The following MIS18A variants were observed in gnomAD, a reference collection of about 807,000 sequenced individuals.
MIS18A encodes the protein MIS18 kinetochore protein A, also known as protein Mis18-alpha.
In MIS18A, 14 loss-of-function variants were observed where a neutral mutation model predicts 25.0. The observed-to-expected ratio is 0.56, with a 90% CI of 0.37 to 0.88. The LOEUF is 0.88. Among genes scored for constraint, MIS18A ranks in the 40% least tolerant of loss-of-function variants. The pLI is 0.00. For missense variants in MIS18A, 292 were observed against 290.8 expected, an observed-to-expected ratio of 1.00 and a Z score of -0.03; for synonymous variants, 134 against 118.6, an observed-to-expected ratio of 1.13 and a Z score of -0.84.
chr21:32,197,765 G>A, the MIS18A span: 1 of 152,122 alleles, frequency 6.6e-6, no homozygotes, highest in Non-Finnish European at 1.5e-5. Context: ...AAAGATAAAA[G>A]AATCCACACC....
chr21:32,166,506 T>C, the MIS18A span, among the ~76,000 whole-genome samples: 3 of 152,040 alleles, frequency 2.0e-5, no homozygotes, highest in Non-Finnish European at 4.4e-5. Flanking sequence ...AACAGAAGGA[T>C]GGAGGCAGGT....
At chr21:32,177,766 A>C in the MIS18A span, among the ~76,000 whole-genome samples, 4 of 152,148 alleles carry the variant, frequency 2.6e-5, no homozygotes, top group Admixed American at 2.6e-4. Context: ...CTAATATTAT[A>C]TTATTAATTA....
chr21:32,260,028 C>T, the MIS18A span: 3 of 147,358 alleles, frequency 2.0e-5, no homozygotes, highest in Non-Finnish European at 4.4e-5. Flanking sequence ...TCTTATATGT[C>T]AATTCTGAAA....
chr21:32,160,448 G>A, the MIS18A span, among the ~76,000 whole-genome samples: 2 of 151,952 alleles, frequency 1.3e-5, no homozygotes, highest in Admixed American at 6.6e-5. Flanking sequence ...GAGGATGGGC[G>A]CTTGTGACAC....
chr21:32,223,162 C>T, the MIS18A span, among the ~76,000 whole-genome samples: 1 of 152,004 alleles, frequency 6.6e-6, no homozygotes, highest in Admixed American at 6.6e-5. Context: ...TAAATGCCCA[C>T]ATGAGAACAT....
chr21:32,212,298 G>A, the MIS18A span, among the ~76,000 whole-genome samples: 2 of 152,170 alleles, frequency 1.3e-5, no homozygotes, highest in Non-Finnish European at 2.9e-5. Context: ...TCCTGAAAAC[G>A]CAGTCATGCC....
At chr21:32,271,737 C>A (rs2031717761) in intron 2 of MIS18A, among the ~76,000 whole-genome samples, 2 of 152,086 alleles carry the variant, frequency 1.3e-5, no homozygotes, top group African/African-American at 4.8e-5. Flanking sequence ...GTCACCATAC[C>A]CAGCCAGCTT....
chr21:32,155,988 T>C, the MIS18A span, among the ~76,000 whole-genome samples: 1 of 152,158 alleles, frequency 6.6e-6, no homozygotes, highest in Admixed American at 6.5e-5. Context: ...TGCAGACAAC[T>C]ATATTGCCAT....
the MIS18A span, among the ~76,000 whole-genome samples, chr21:32,180,703 G>C: frequency 6.6e-6 from 1 of 152,130 alleles, no homozygotes; most frequent in African/African-American, 2.4e-5. Context: ...GTGGAATCCT[G>C]GTCCTCCATA....
downstream of MIS18A, among the ~76,000 whole-genome samples, chr21:32,267,107 T>C (rs953060322): frequency 5.3e-5 from 8 of 152,150 alleles, no homozygotes; most frequent in Non-Finnish European, 7.4e-5. Context: ...CCTGCCAGTG[T>C]CACCATGCAG....
chr21:32,269,002 A>C lies in MIS18A; in HGVS notation c.*35T>G. On this transcript the variant is annotated 3_prime_UTR_variant, in exon 5 of 5. Coordinates refer to ENST00000290130, the MANE Select transcript of MIS18A (RefSeq NM_018944.3). ...CTTCATTTAACAAATAAGGGGAGGA[A>C]GGGCGGGGGCAGAATGGAGGACACA... 7.0e-7 allele frequency: 1 copy of C among 1,420,928 alleles called. No individual in the cohort carries two copies. Among genetic ancestry groups the C allele is most frequent in the Non-Finnish European group, 9.7e-7 (1 of 1,033,420 alleles). 88.0% of individuals were successfully genotyped at this position (1,420,928 alleles called of 1,614,324 possible).
the MIS18A span, among the ~76,000 whole-genome samples, chr21:32,220,935 A>G: frequency 1.4e-4 from 21 of 152,192 alleles, no homozygotes; most frequent in East Asian, 3.1e-3. Flanking sequence ...TAGAGAAAAA[A>G]TAATGAAAAG....
chr21:32,209,445 C>G, the MIS18A span, among the ~76,000 whole-genome samples: 1 of 152,182 alleles, frequency 6.6e-6, no homozygotes, highest in East Asian at 1.9e-4. Flanking sequence ...TTCCACAAGC[C>G]CAAATTATTA....
the MIS18A span, among the ~76,000 whole-genome samples, chr21:32,225,969 T>G: frequency 2.0e-5 from 1 of 50,162 alleles, no homozygotes. Flanking sequence ...GATGAGTTCA[T>G]GTCCTTTGTA....
the MIS18A span, among the ~76,000 whole-genome samples, chr21:32,194,261 T>C: frequency 0.6 from 91,099 of 151,996 alleles, 29,200 homozygotes; most frequent in African/African-American, 0.84. Flanking sequence ...CTATTCCCAA[T>C]GGCAAAGTCA....
intron 2 of MIS18A, among the ~76,000 whole-genome samples, chr21:32,274,200 T>C (rs981432446): frequency 1.2e-4 from 15 of 120,226 alleles, no homozygotes; most frequent in Middle Eastern, 4.1e-3. Flanking sequence ...TTTTCTTCTT[T>C]TTTTTTTTTT....
the MIS18A span, among the ~76,000 whole-genome samples, chr21:32,180,852 A>G: frequency 4.7e-3 from 714 of 152,312 alleles, 8 homozygotes; most frequent in African/African-American, 0.016. Context: ...TCTTCTGAAC[A>G]TTGGATCTTA....
the MIS18A span, among the ~76,000 whole-genome samples, chr21:32,236,345 C>T: frequency 0.012 from 1,777 of 152,100 alleles, 12 homozygotes; most frequent in Non-Finnish European, 0.018. Context: ...ATCGCACCAC[C>T]GCACTCCAAC....
the MIS18A span, among the ~76,000 whole-genome samples, chr21:32,252,224 AAGAAGAAGAAGAAGAAGG>A: frequency 1.5e-3 from 157 of 102,392 alleles, no homozygotes; most frequent in African/African-American, 5.4e-3. Context: ...GAAGAAGAAG[AAGAAGAAGAAGAAGAAGG>A]AGGAGGAGGA....
Sources: allele counts gnomAD v4.1 joint callset (sites outside exome capture counted in the v4.1 genomes callset), GRCh38; gene constraint gnomAD v4.1.1; transcripts MANE v1.5; gene names NCBI Gene and HGNC (gene_info 2026-07-23, HGNC 2026-07-21).